MAL2: variants seen among roughly 807,000 people sequenced by gnomAD.
MAL2 encodes the protein mal, T cell differentiation protein 2.
MAL2 carries 17 observed loss-of-function variants against 18.1 expected under a neutral mutation model. The observed-to-expected ratio is 0.94, with a 90% CI of 0.64 to 1.41. The LOEUF is 1.41. Ranked by LOEUF, MAL2 falls within the 40% of genes most tolerant of loss-of-function variation. The pLI is 0.00. For missense variants in MAL2, 222 were observed against 231.9 expected, an observed-to-expected ratio of 0.96 and a Z score of 0.28; for synonymous variants, 102 against 102.3, an observed-to-expected ratio of 1.00 and a Z score of 0.02.
At chr8:119,215,736 G>C (rs1318463476) in intron 1 of MAL2, 1 of 152,212 alleles carries the variant, frequency 6.6e-6, no homozygotes, top group African/African-American at 2.4e-5. Flanking sequence ...CAGGGGATGA[G>C]GGGTAGAGGC....
chr8:119,221,407 C>T, intron 1 of MAL2, 180 bp from the exon 2 acceptor site: 1 of 663,402 alleles, frequency 1.5e-6, no homozygotes. Flanking sequence ...TGATCTTGCA[C>T]CTGAGGAAAG....
chr8:119,229,338 A>T (rs1158872665), intron 2 of MAL2, among the ~76,000 whole-genome samples: 4 of 137,802 alleles, frequency 2.9e-5, no homozygotes, highest in African/African-American at 8.2e-5. Context: ...TTTGAGACAG[A>T]GTCTTGCTCT....
Position 119,208,792 on chromosome 8 carries a change from C to G in MAL2, c.132+188C>G, listed in dbSNP as rs1361650913. ...CCGCCCGGGCCCTCCCTCCTAGCAC[C>G]TGTTACGCGGGCACCTGCTCCCCCG... On this transcript the variant is annotated intron_variant, in intron 1 of 3. Transcript: ENST00000614891. The surrounding 1 kb of genome is among the most constrained non-coding windows in gnomAD (Gnocchi z 4.3). 3 of 941,078 alleles carry G rather than the reference C, an allele frequency of 3.2e-6. No homozygotes were observed. Among genetic ancestry groups the G allele is most frequent in the Non-Finnish European group, 1.4e-6 (1 of 728,690 alleles). 58.3% of individuals were successfully genotyped at this position (941,078 alleles called of 1,614,324 possible).
chr8:119,233,418 A>G (rs894806901), intron 2 of MAL2, among the ~76,000 whole-genome samples: 1 of 152,210 alleles, frequency 6.6e-6, no homozygotes, highest in African/African-American at 2.4e-5. Flanking sequence ...AACAAAATTG[A>G]TAGACTGCTA....
chr8:119,238,212 A>G (rs1817956426), intron 2 of MAL2, among the ~76,000 whole-genome samples: 1 of 152,236 alleles, frequency 6.6e-6, no homozygotes, highest in South Asian at 2.1e-4. Context: ...TAAAATACCT[A>G]GGAATCCAAC....
intron 2 of MAL2, among the ~76,000 whole-genome samples, chr8:119,234,372 A>C (rs1817823841): frequency 6.6e-6 from 1 of 152,164 alleles, no homozygotes. Context: ...GGCGGCAACA[A>C]GGCTGGGGGA....
At chr8:119,211,696 AT>A (rs370258084) in intron 1 of MAL2, among the ~76,000 whole-genome samples, 4,825 of 135,512 alleles carry the variant, frequency 0.036, 86 homozygotes, top group Non-Finnish European at 0.053. Context: ...GTGCATAGTG[AT>A]TTTTTTTTTT....
intron 2 of MAL2, among the ~76,000 whole-genome samples, chr8:119,237,221 T>C (rs909147822): frequency 2.0e-5 from 3 of 150,370 alleles, no homozygotes; most frequent in Non-Finnish European, 4.5e-5. Context: ...ACATACACTC[T>C]CCCAAGACTA....
chr8:119,242,182 C>G (rs990494787), intron 3 of MAL2, among the ~76,000 whole-genome samples: 8 of 152,148 alleles, frequency 5.3e-5, no homozygotes, highest in African/African-American at 1.7e-4. Context: ...AACCTACTTT[C>G]ACAAGAATAG....
intron 1 of MAL2, among the ~76,000 whole-genome samples, chr8:119,210,794 G>A (rs1319703134): frequency 1.3e-5 from 2 of 152,106 alleles, no homozygotes. Flanking sequence ...ACTTCCAAAA[G>A]CTTATTAGTT....
At chr8:119,229,074 T>C (rs925933481) in intron 2 of MAL2, among the ~76,000 whole-genome samples, 8 of 152,160 alleles carry the variant, frequency 5.3e-5, no homozygotes, top group Admixed American at 5.2e-4. Context: ...AGGTATGGGA[T>C]GGTTGATGCC....
intron 2 of MAL2, among the ~76,000 whole-genome samples, chr8:119,239,769 G>T (rs555796306): frequency 6.7e-6 from 1 of 148,480 alleles, no homozygotes; most frequent in East Asian, 1.9e-4. Context: ...GGGGACTGTT[G>T]TGGGGAGGGA....
intron 2 of MAL2, among the ~76,000 whole-genome samples, chr8:119,225,410 T>A (rs943442467): frequency 2.6e-5 from 4 of 152,174 alleles, no homozygotes; most frequent in Non-Finnish European, 5.9e-5. Context: ...TTGCTGAGAA[T>A]GATGGTTTCC....
chr8:119,224,930 A>G (rs542373559), intron 2 of MAL2, among the ~76,000 whole-genome samples: 11 of 152,298 alleles, frequency 7.2e-5, no homozygotes, highest in Admixed American at 7.2e-4. Context: ...CTTAATGACA[A>G]TTCTTTATGG....
In MAL2 at chr8:119,221,737, G is replaced by T; in HGVS notation, c.283G>T (p.Asp95Tyr). The T allele has an allele frequency of 6.2e-7, 1 of 1,613,770 alleles. No homozygotes were observed. Among genetic ancestry groups the T allele is most frequent in the Non-Finnish European group, 8.5e-7 (1 of 1,179,788 alleles). The change falls in exon 2 of 4, where the codon GAT becomes TAT. Residue 95 changes from aspartate to tyrosine, a missense_variant. Physicochemically the swap from Asp to Tyr is radical, Grantham distance 160. Transcript: ENST00000614891. ...MFLSGMVAQI[D>Y]ANWNFLDFAY... ...CCTCTCTGGCATGGTGGCTCAAATTGATGCTAACTGGAACTTCCTGGTAAG... is the reference window on the plus strand; with the variant it reads ...CCTCTCTGGCATGGTGGCTCAAATTTATGCTAACTGGAACTTCCTGGTAAG...
intron 1 of MAL2, among the ~76,000 whole-genome samples, chr8:119,212,406 G>GT (rs1485740525): frequency 6.6e-6 from 1 of 152,138 alleles, no homozygotes; most frequent in Non-Finnish European, 1.5e-5. Context: ...TAACTGCAGT[G>GT]TTTTGGATGC....
intron 2 of MAL2, 120 bp from the exon 3 acceptor site, chr8:119,240,045 T>C (rs1259141912): frequency 9.4e-7 from 1 of 1,068,616 alleles, no homozygotes; most frequent in African/African-American, 1.6e-5. Context: ...TAACAGTGAA[T>C]ATAGTTAAGA....
intron 2 of MAL2, among the ~76,000 whole-genome samples, chr8:119,234,914 A>G (rs1817842601): frequency 1.3e-5 from 2 of 152,166 alleles, no homozygotes; most frequent in South Asian, 2.1e-4. Context: ...CTCCTCCTCC[A>G]AAGGAACGCA....
chr8:119,243,335 A>G, intron 3 of MAL2, 82 bp from the exon 4 acceptor site: 1 of 999,750 alleles, frequency 1.0e-6, no homozygotes, highest in East Asian at 3.0e-5. Context: ...TGTTGGTCAA[A>G]CTTCATATGG....
Sources: gnomAD v4.1 joint callset for allele counts (sites outside exome capture counted in the v4.1 genomes callset) on GRCh38, gnomAD v4.1.1 for gene constraint, Gnocchi (gnomAD v3.1) non-coding constraint, MANE v1.5 for transcripts, NCBI Gene and HGNC (gene_info 2026-07-23, HGNC 2026-07-21) for gene names.